Variants in MAML3 observed in about 807,000 individuals in gnomAD.
The protein encoded by MAML3 is mastermind like transcriptional coactivator 3, also known as mastermind-like protein 3.
In MAML3, 27 loss-of-function variants were observed where a neutral mutation model predicts 101.9. That is an observed-to-expected ratio of 0.27 (90% CI 0.20 to 0.37). The LOEUF (loss-of-function observed/expected upper bound fraction) is 0.37. Among genes scored for constraint, MAML3 ranks in the 10% least tolerant of loss-of-function variants. MAML3 has a pLI of 1.00. For synonymous variants in MAML3, 501 were observed against 555.9 expected, an observed-to-expected ratio of 0.90 and a Z score of 1.39; for missense variants, 1,316 against 1,444.9, an observed-to-expected ratio of 0.91 and a Z score of 1.45.
intron 1 of MAML3, among the ~76,000 whole-genome samples, chr4:140,089,129 T>G (rs1728004024): frequency 6.6e-6 from 1 of 152,228 alleles, no homozygotes; most frequent in African/African-American, 2.4e-5. Flanking sequence ...AGCTCTATTA[T>G]CATATCATAC....
intron 2 of MAML3, among the ~76,000 whole-genome samples, chr4:139,766,270 C>A (rs1246296305): frequency 6.6e-6 from 1 of 152,230 alleles, no homozygotes; most frequent in East Asian, 1.9e-4. Flanking sequence ...CTCCTGGGTT[C>A]AAGCGATTCT....
At chr4:140,057,620 A>G (rs1727371100) in intron 1 of MAML3, among the ~76,000 whole-genome samples, 4 of 152,162 alleles carry the variant, frequency 2.6e-5, no homozygotes, top group Admixed American at 2.6e-4. Flanking sequence ...AAAATACCAT[A>G]TTCTTGATGG....
intron 1 of MAML3, among the ~76,000 whole-genome samples, chr4:139,991,920 C>G (rs1365618196): frequency 6.6e-6 from 1 of 152,056 alleles, no homozygotes; most frequent in East Asian, 1.9e-4. Context: ...CAATTCAATA[C>G]ATTTGAGAGC....
chr4:139,791,804 C>G (rs1730420312), intron 2 of MAML3, among the ~76,000 whole-genome samples: 1 of 152,176 alleles, frequency 6.6e-6, no homozygotes, highest in Non-Finnish European at 1.5e-5. Context: ...CCATTGTATT[C>G]TAGCCAGTTG....
In MAML3 at chr4:139,813,181, T is replaced by C. The variant is rs577462892; in HGVS notation, c.2079+76176A>G. 3.3e-5 allele frequency among the ~76,000 whole-genome samples: 5 copies of C among 151,162 alleles called. No homozygotes were observed. In the East Asian group the frequency reaches 9.7e-4, roughly 29 times the overall value. ...AATAGAAAAGAAAAAGATAAGAAAA[T>C]AGGGATTCAGTCCAAAAGGTACAAG... On this transcript the variant is annotated intron_variant, in intron 2 of 4. Coordinates refer to ENST00000509479, the MANE Select transcript of MAML3 (RefSeq NM_018717.5).
intron 2 of MAML3, among the ~76,000 whole-genome samples, chr4:139,807,482 TG>T (rs1730721965): frequency 6.6e-6 from 1 of 152,186 alleles, no homozygotes; most frequent in Non-Finnish European, 1.5e-5. Context: ...ACAACTGGCT[TG>T]GTAGCCAAGA....
chr4:139,730,254 T>C (rs1331783560), intron 3 of MAML3, 162 bp downstream of exon 3: 1 of 657,440 alleles, frequency 1.5e-6, no homozygotes, highest in African/African-American at 1.8e-5. Flanking sequence ...CCTAACTAAT[T>C]GAAAGGTCTA....
intron 2 of MAML3, among the ~76,000 whole-genome samples, chr4:139,733,557 GA>G (rs3051189): frequency 0.35 from 43,665 of 126,000 alleles, 7,337 homozygotes; most frequent in African/African-American, 0.52. Flanking sequence ...AGCACAGTGT[GA>G]AAAAAAAAAA....
At chr4:139,765,997 A>C (rs1484169718) in intron 2 of MAML3, among the ~76,000 whole-genome samples, 2 of 152,084 alleles carry the variant, frequency 1.3e-5, no homozygotes, top group African/African-American at 4.8e-5. Context: ...AAAATAAATA[A>C]ATAAATAAAT....
intron 1 of MAML3, among the ~76,000 whole-genome samples, chr4:140,152,374 C>T (rs1381329001): frequency 6.6e-6 from 1 of 152,198 alleles, no homozygotes; most frequent in Non-Finnish European, 1.5e-5. Context: ...CCGCCCAGAA[C>T]CTGCGACAGC....
intron 1 of MAML3, among the ~76,000 whole-genome samples, chr4:140,087,101 A>G (rs1247276341): frequency 6.6e-6 from 1 of 152,224 alleles, no homozygotes; most frequent in Non-Finnish European, 1.5e-5. Flanking sequence ...TGGAGGTTGC[A>G]GTGAGCTGAG....
In MAML3 at chr4:139,719,267, TTTTTC is replaced by T. The variant is rs1728122378; in HGVS notation, c.*51_*55del. On this transcript the variant is annotated 3_prime_UTR_variant, in exon 5 of 5. Coordinates refer to ENST00000509479, the MANE Select transcript of MAML3 (RefSeq NM_018717.5). ...CAAGGATGGGTCAACATCCTGTTTC[TTTTTC>T]ACTTTTTAAGCTTTAACCACTCGAG... 3 of 1,510,916 alleles carry T rather than the reference TTTTTC, an allele frequency of 2.0e-6. No individual in the cohort carries two copies. Among genetic ancestry groups the T allele is most frequent in the Non-Finnish European group, 2.7e-6 (3 of 1,129,192 alleles). 93.6% of individuals were successfully genotyped at this position (1,510,916 alleles called of 1,614,324 possible). A position where few individuals can be genotyped will look rare whatever the true frequency, so the allele number is the denominator to read the frequency against.
At chr4:139,800,800 T>G (rs1421148797) in intron 2 of MAML3, among the ~76,000 whole-genome samples, 1 of 152,210 alleles carries the variant, frequency 6.6e-6, no homozygotes, top group African/African-American at 2.4e-5. Context: ...AGATGATGAG[T>G]TGTAAACAAC....
intron 2 of MAML3, among the ~76,000 whole-genome samples, chr4:139,862,581 G>A (rs1731802962): frequency 6.6e-6 from 1 of 152,196 alleles, no homozygotes. Flanking sequence ...TAATCTTGCT[G>A]TTGACCCATT....
chr4:139,868,705 G>A (rs763462623), intron 2 of MAML3, among the ~76,000 whole-genome samples: 39 of 152,164 alleles, frequency 2.6e-4, no homozygotes, highest in Non-Finnish European at 4.1e-4. Flanking sequence ...GTGGAACAAT[G>A]CTTGAAACAT....
intron 1 of MAML3, among the ~76,000 whole-genome samples, chr4:140,069,273 G>A (rs1258235248): frequency 2.6e-5 from 4 of 151,756 alleles, no homozygotes; most frequent in Admixed American, 2.6e-4. Flanking sequence ...TAGTAGTCAA[G>A]ATTGCGCCAC....
intron 1 of MAML3, among the ~76,000 whole-genome samples, chr4:139,891,959 G>A (rs1732508687): frequency 6.6e-6 from 1 of 152,012 alleles, no homozygotes; most frequent in Non-Finnish European, 1.5e-5. Flanking sequence ...CTAAACGATG[G>A]GATTCTTCAA....
At chr4:139,899,130 C>T (rs973669843) in intron 1 of MAML3, among the ~76,000 whole-genome samples, 1 of 152,110 alleles carries the variant, frequency 6.6e-6, no homozygotes, top group African/African-American at 2.4e-5. Flanking sequence ...CTAGGATTCC[C>T]CAGGTTTTAG....
At chr4:139,742,114 T>A (rs1392547322) in intron 2 of MAML3, among the ~76,000 whole-genome samples, 1 of 150,984 alleles carries the variant, frequency 6.6e-6, no homozygotes, top group East Asian at 1.9e-4. Flanking sequence ...TGAGAAATCA[T>A]CCTCTCTACA....
Sources: gnomAD v4.1 joint callset for allele counts (sites outside exome capture counted in the v4.1 genomes callset) on GRCh38, gnomAD v4.1.1 for gene constraint, MANE v1.5 for transcripts, NCBI Gene and HGNC (gene_info 2026-07-23, HGNC 2026-07-21) for gene names.